The following ABTB3 variants were observed in gnomAD, a reference collection of about 807,000 sequenced individuals.
ABTB3 encodes the protein ankyrin repeat- and BTB/POZ domain-containing protein 3.
At chr12:107,428,846 G>A in the ABTB3 span, among the ~76,000 whole-genome samples, 53 of 152,358 alleles carry the variant, frequency 3.5e-4, 1 homozygote, top group Admixed American at 2.2e-3. Context: ...AGCAGCACTC[G>A]TCATGTCACT....
At chr12:107,345,734 C>G in the ABTB3 span, among the ~76,000 whole-genome samples, 1 of 152,122 alleles carries the variant, frequency 6.6e-6, no homozygotes, top group African/African-American at 2.4e-5. Context: ...GTATTTTTCC[C>G]CAAAATTTGA....
chr12:107,578,840 C>T, the ABTB3 span, among the ~76,000 whole-genome samples: 1 of 152,132 alleles, frequency 6.6e-6, no homozygotes, highest in African/African-American at 2.4e-5. Context: ...CAGATAGGTC[C>T]ACAGGTCCAG....
the ABTB3 span, among the ~76,000 whole-genome samples, chr12:107,325,309 T>C: frequency 6.6e-6 from 1 of 152,246 alleles, no homozygotes; most frequent in Admixed American, 6.5e-5. Flanking sequence ...CTGGTCATGC[T>C]GTTCTGTTGA....
chr12:107,496,089 G>C, the ABTB3 span, among the ~76,000 whole-genome samples: 1 of 152,122 alleles, frequency 6.6e-6, no homozygotes, highest in Non-Finnish European at 1.5e-5. Context: ...ACCACTGCTA[G>C]GATAAGCACT....
the ABTB3 span, among the ~76,000 whole-genome samples, chr12:107,437,311 C>T: frequency 6.6e-6 from 1 of 152,178 alleles, no homozygotes; most frequent in Non-Finnish European, 1.5e-5. Flanking sequence ...GCTTCTGGGG[C>T]CACTGGCATT....
At chr12:107,561,511 T>C in the ABTB3 span, among the ~76,000 whole-genome samples, 1 of 152,120 alleles carries the variant, frequency 6.6e-6, no homozygotes, top group Non-Finnish European at 1.5e-5. Flanking sequence ...TTGAGGAGTA[T>C]AATTATAATT....
At chr12:107,370,757 ATTTTTTTTTTTT>A in the ABTB3 span, among the ~76,000 whole-genome samples, 7 of 87,466 alleles carry the variant, frequency 8.0e-5, no homozygotes, top group South Asian at 4.5e-4. Flanking sequence ...CAAAAAAGGG[ATTTTTTTTTTTT>A]TTTTTTTTTT....
At chr12:107,635,007 A>G in the ABTB3 span, 1 of 296,900 alleles carries the variant, frequency 3.4e-6, no homozygotes, top group Non-Finnish European at 6.2e-6. Flanking sequence ...AACTACAAAA[A>G]CCTGCTTTCC....
the ABTB3 span, among the ~76,000 whole-genome samples, chr12:107,500,735 A>G: frequency 1.3e-5 from 2 of 152,080 alleles, no homozygotes; most frequent in Non-Finnish European, 2.9e-5. Context: ...ACTGCAGGCA[A>G]CAAGCAGACC....
the ABTB3 span, among the ~76,000 whole-genome samples, chr12:107,628,657 T>C: frequency 6.6e-6 from 1 of 152,222 alleles, no homozygotes; most frequent in Non-Finnish European, 1.5e-5. Flanking sequence ...TATGACATCT[T>C]AAAAAAAGGG....
the ABTB3 span, among the ~76,000 whole-genome samples, chr12:107,555,499 A>G: frequency 6.6e-6 from 1 of 152,306 alleles, no homozygotes; most frequent in African/African-American, 2.4e-5. Context: ...GTCTTTTTGG[A>G]ATCCAACTAA....
the ABTB3 span, among the ~76,000 whole-genome samples, chr12:107,423,128 C>A: frequency 6.6e-6 from 1 of 152,140 alleles, no homozygotes; most frequent in Non-Finnish European, 1.5e-5. Flanking sequence ...GTCCCTTCCC[C>A]CCTAAAGTTG....
chr12:107,357,130 C>T, the ABTB3 span, among the ~76,000 whole-genome samples: 1 of 152,218 alleles, frequency 6.6e-6, no homozygotes, highest in Non-Finnish European at 1.5e-5. Context: ...TACTTGTTCT[C>T]TTAGACAGCC....
the ABTB3 span, among the ~76,000 whole-genome samples, chr12:107,328,029 C>A: frequency 1.3e-5 from 2 of 152,130 alleles, no homozygotes; most frequent in Admixed American, 6.5e-5. Context: ...ATTCCAATGA[C>A]CAGCACTCAG....
chr12:107,633,114 T>G, the ABTB3 span, among the ~76,000 whole-genome samples: 1 of 152,354 alleles, frequency 6.6e-6, no homozygotes, highest in East Asian at 1.9e-4. Flanking sequence ...TGCTCTTGAA[T>G]GTTTGTCCCC....
At chr12:107,652,378 G>C in the ABTB3 span, among the ~76,000 whole-genome samples, 3 of 152,180 alleles carry the variant, frequency 2.0e-5, no homozygotes, top group Non-Finnish European at 4.4e-5. Context: ...ATCACCTGGG[G>C]ACTCACTTAA....
At chr12:107,637,640 T>G in the ABTB3 span, among the ~76,000 whole-genome samples, 1 of 152,032 alleles carries the variant, frequency 6.6e-6, no homozygotes, top group Non-Finnish European at 1.5e-5. Context: ...GGGACCTGCT[T>G]TAAAGGAAAG....
chr12:107,530,785 G>T, the ABTB3 span, among the ~76,000 whole-genome samples: 1 of 152,138 alleles, frequency 6.6e-6, no homozygotes, highest in East Asian at 1.9e-4. Context: ...GATCCCATAT[G>T]TAAGGTTTGG....
chr12:107,606,183 A>T, the ABTB3 span, among the ~76,000 whole-genome samples: 1 of 152,172 alleles, frequency 6.6e-6, no homozygotes, highest in Non-Finnish European at 1.5e-5. Flanking sequence ...TGACTTGGAC[A>T]GTTTTCTTAA....
Sources: allele counts gnomAD v4.1 joint callset (sites outside exome capture counted in the v4.1 genomes callset), GRCh38; gene constraint gnomAD v4.1.1; transcripts MANE v1.5; gene names NCBI Gene and HGNC (gene_info 2026-07-23, HGNC 2026-07-21).